Variants in UHRF2 observed in about 807,000 individuals in gnomAD.
UHRF2 encodes the protein E3 ubiquitin-protein ligase UHRF2.
In UHRF2, 23 loss-of-function variants were observed where a neutral mutation model predicts 96.8. The observed-to-expected ratio is 0.24, with a 90% CI of 0.17 to 0.34. The LOEUF (loss-of-function observed/expected upper bound fraction) is 0.34. Among genes scored for constraint, UHRF2 ranks in the 10% least tolerant of loss-of-function variants. The probability of loss-of-function intolerance (pLI) is 1.00; values close to 1 mark genes in which losing one functional copy is unlikely to be tolerated. For missense variants in UHRF2, 685 were observed against 981.5 expected (o/e 0.70, Z 4.04); for synonymous variants, 385 against 332.6 (o/e 1.16, Z -1.72).
At chr9:6,504,839 G>T in intron 15 of UHRF2, 148 bp downstream of exon 15, 1 of 525,966 alleles carries the variant, frequency 1.9e-6, no homozygotes. Flanking sequence ...ACGTCTTGGT[G>T]GTAAATGCAT....
At chr9:6,455,607 A>G (rs2130831339) in intron 3 of UHRF2, among the ~76,000 whole-genome samples, 1 of 152,302 alleles carries the variant, frequency 6.6e-6, no homozygotes, top group Middle Eastern at 3.4e-3. Flanking sequence ...ATACTTGAGG[A>G]GCAGCAGGTC....
intron 3 of UHRF2, among the ~76,000 whole-genome samples, chr9:6,435,375 C>G (rs1279672700): frequency 2.0e-5 from 3 of 152,332 alleles, no homozygotes; most frequent in East Asian, 3.9e-4. Context: ...ATCCTCCCAC[C>G]TCAGCCTTCC....
Position 6,484,415 on chromosome 9 carries a change from CTCCCTCCTCCCTCCTGTCTCT to C in UHRF2, c.1392+2332_1392+2352del, listed in dbSNP as rs968813489. Among the ~76,000 whole-genome samples the C allele has an allele frequency of 1.7e-4, 25 of 148,046 alleles. No individual in the cohort carries two copies. In the South Asian group the frequency reaches 5.2e-3, roughly 31 times the overall value. The stretch of plus-strand genomic sequence containing the variant: ...CTTCTCCTCCTCCTCCTCCTCCCTC[CTCCCTCCTCCCTCCTGTCTCT>C]TCCCTCCTCCCTCCTCCCCCCTCCT... On this transcript the variant is annotated intron_variant, in intron 8 of 15. Transcript: ENST00000276893.
chr9:6,460,801 T>C lies in UHRF2; in HGVS notation c.863+10T>C. On this transcript the variant is annotated intron_variant, in intron 4 of 15. Transcript: ENST00000276893. ...TGAAAATTTTCCTGGGGTAAGATTG[T>C]CTTCACTGGTGCCATTTAATTAACT... 2 of 1,605,204 alleles carry C rather than the reference T, an allele frequency of 1.2e-6. No homozygotes were observed. Among genetic ancestry groups the C allele is most frequent in the African/African-American group, 1.3e-5 (1 of 74,608 alleles).
At chr9:6,416,162 C>G (rs913285858) in intron 1 of UHRF2, among the ~76,000 whole-genome samples, 1 of 152,100 alleles carries the variant, frequency 6.6e-6, no homozygotes. Flanking sequence ...CTCCCGGGTT[C>G]AAGCGATTCC....
intron 1 of UHRF2, among the ~76,000 whole-genome samples, chr9:6,417,850 C>A (rs1448268880): frequency 1.3e-5 from 2 of 152,152 alleles, no homozygotes; most frequent in South Asian, 2.1e-4. Context: ...TTACTCCTGA[C>A]CGTCATTTAG....
intron 6 of UHRF2, 131 bp from the exon 7 acceptor site, chr9:6,481,512 C>A (rs1236469698): frequency 2.0e-6 from 2 of 975,832 alleles, no homozygotes; most frequent in Non-Finnish European, 2.9e-6. Context: ...ATTTTAATGC[C>A]AGTTAAAGCT....
intron 5 of UHRF2, among the ~76,000 whole-genome samples, chr9:6,476,377 A>T (rs755357824): frequency 1.3e-5 from 2 of 152,140 alleles, no homozygotes; most frequent in Non-Finnish European, 2.9e-5. Flanking sequence ...TTTAATAATG[A>T]GATTTATTTT....
At chr9:6,451,537 C>T (rs572154048) in intron 3 of UHRF2, among the ~76,000 whole-genome samples, 42 of 151,068 alleles carry the variant, frequency 2.8e-4, no homozygotes, top group African/African-American at 9.0e-4. Context: ...AGTGCAGTGG[C>T]GCGATCTCGG....
At chr9:6,481,246 A>G (rs931814554) in intron 6 of UHRF2, among the ~76,000 whole-genome samples, 25 of 152,216 alleles carry the variant, frequency 1.6e-4, no homozygotes, top group Non-Finnish European at 7.4e-5. Context: ...GGGAATTCTA[A>G]TAACCAATTT....
chr9:6,416,582 G>A (rs1186542057), intron 1 of UHRF2, among the ~76,000 whole-genome samples: 1 of 116,244 alleles, frequency 8.6e-6, no homozygotes, highest in Non-Finnish European at 1.6e-5. Flanking sequence ...TCGTTCTGTC[G>A]CCCAGGCGGG....
chr9:6,454,530 A>G (rs1326084565), intron 3 of UHRF2, among the ~76,000 whole-genome samples: 1 of 152,192 alleles, frequency 6.6e-6, no homozygotes, highest in African/African-American at 2.4e-5. Flanking sequence ...GTGAACACAG[A>G]GTGGCTTTTC....
chr9:6,477,030 T>G (rs1823614397), intron 5 of UHRF2, among the ~76,000 whole-genome samples: 1 of 152,092 alleles, frequency 6.6e-6, no homozygotes, highest in South Asian at 2.1e-4. Context: ...GTCAGGAGTT[T>G]GAGACCAGTC....
chr9:6,422,886 A>T (rs947780868), intron 2 of UHRF2: 2 of 381,714 alleles, frequency 5.2e-6, no homozygotes, highest in African/African-American at 2.1e-5. Context: ...CTTCTAAAAT[A>T]GTAATCTGTT....
In UHRF2 at chr9:6,460,586, G is replaced by A. The variant is rs1342681525; in HGVS notation, c.658G>A (p.Gly220Ser). 5 of 1,603,176 alleles carry A rather than the reference G, an allele frequency of 3.1e-6. No individual in the cohort carries two copies. Among genetic ancestry groups the A allele is most frequent in the Non-Finnish European group, 4.3e-6 (5 of 1,173,054 alleles). ...HIQYDEYPES[G>S]TLEMNVKDLR... ...CTCTCTCCTCAGATACCCAGAAAGCGGTACTCTAGAAATGAATGTCAAGGA... is the reference window on the plus strand; with the variant it reads ...CTCTCTCCTCAGATACCCAGAAAGCAGTACTCTAGAAATGAATGTCAAGGA... Residue 220 changes from glycine (G) to serine (S), a missense_variant, in exon 4 of 16, where the codon GGT becomes AGT. Around this residue, in one of 6 missense-constraint regions of UHRF2, gnomAD observed 391 missense variants for 437.0 expected, o/e 0.89. Transcript: ENST00000276893.
intron 3 of UHRF2, among the ~76,000 whole-genome samples, chr9:6,450,249 A>G (rs912697988): frequency 6.6e-6 from 1 of 151,908 alleles, no homozygotes; most frequent in Non-Finnish European, 1.5e-5. Context: ...GATCAAAAAC[A>G]AACCCCACCC....
At chr9:6,458,958 A>G (rs1822353931) in intron 3 of UHRF2, among the ~76,000 whole-genome samples, 1 of 152,208 alleles carries the variant, frequency 6.6e-6, no homozygotes, top group Admixed American at 6.5e-5. Context: ...TCAGCAAACT[A>G]ACACAGGAAC....
chr9:6,482,798 G>A (rs1025295848), intron 8 of UHRF2, among the ~76,000 whole-genome samples: 1 of 152,056 alleles, frequency 6.6e-6, no homozygotes, highest in Admixed American at 6.6e-5. Context: ...AGGTTTCACC[G>A]TGTTAGCCAG....
intron 2 of UHRF2, among the ~76,000 whole-genome samples, chr9:6,428,556 TTTTTTTTTTTTTTTTG>T: frequency 8.3e-6 from 1 of 120,808 alleles, no homozygotes; most frequent in Admixed American, 8.5e-5. Flanking sequence ...TTTTTTTTTT[TTTTTTTTTTTTTTTTG>T]AACGATCTCA....
Sources: allele counts gnomAD v4.1 joint callset (sites outside exome capture counted in the v4.1 genomes callset), GRCh38; gene constraint gnomAD v4.1.1; regional missense constraint gnomAD v4.1.1; transcripts MANE v1.5; gene names NCBI Gene and HGNC (gene_info 2026-07-23, HGNC 2026-07-21).